BORCS5: variants seen among roughly 807,000 people sequenced by gnomAD.
BORCS5 encodes the protein BLOC-1-related complex subunit 5.
A neutral mutation model predicts 22.1 loss-of-function variants in BORCS5; 17 were observed. The observed-to-expected ratio is 0.77, with a 90% CI of 0.53 to 1.15. The LOEUF is 1.15. Among genes scored for constraint, BORCS5 ranks in the 50% most tolerant of loss-of-function variants. The pLI is 0.00. For missense variants in BORCS5, 247 were observed against 253.2 expected (o/e 0.98, Z 0.17); for synonymous variants, 117 against 99.8 (o/e 1.17, Z -1.03).
Position 12,470,844 on chromosome 12 carries a change from G to A in BORCS5, c.*5068G>A, listed in dbSNP as rs757383391. On this transcript the variant is annotated 3_prime_UTR_variant, in exon 4 of 4. Coordinates refer to ENST00000314565, the MANE Select transcript of BORCS5 (RefSeq NM_058169.6). ...TGACCAGCGTTATGCTGGTGTGTGC[G>A]TGTCCATGCCTCCGGGATTTTTCCA... 2.6e-5 allele frequency among the ~76,000 whole-genome samples: 4 copies of A among 152,004 alleles called. No homozygotes were observed. Among genetic ancestry groups the A allele is most frequent in the Admixed American group, 6.6e-5 (1 of 15,266 alleles).
intron 3 of BORCS5, among the ~76,000 whole-genome samples, chr12:12,456,951 C>A (rs1470309712): frequency 6.6e-6 from 1 of 151,924 alleles, no homozygotes; most frequent in African/African-American, 2.4e-5. Context: ...ACATAAGCTC[C>A]TGCCTTCACA....
At chr12:12,361,390 C>T (rs1000877005) in intron 2 of BORCS5, 41 bp downstream of exon 2, 15 of 1,603,882 alleles carry the variant, frequency 9.4e-6, no homozygotes, top group East Asian at 4.5e-5. Flanking sequence ...TTGCTGGAGA[C>T]GTTTGTGTAG....
At chr12:12,390,727 A>C (rs1451333130) in intron 2 of BORCS5, among the ~76,000 whole-genome samples, 1 of 151,662 alleles carries the variant, frequency 6.6e-6, no homozygotes, top group Non-Finnish European at 1.5e-5. Flanking sequence ...TCCAGGCTGC[A>C]GTGAGCTATG....
At chr12:12,429,126 A>C (rs1210713346) in intron 2 of BORCS5, among the ~76,000 whole-genome samples, 1 of 152,192 alleles carries the variant, frequency 6.6e-6, no homozygotes, top group African/African-American at 2.4e-5. Context: ...CATTCCAAAA[A>C]TTTAAAAAAT....
intron 2 of BORCS5, among the ~76,000 whole-genome samples, chr12:12,386,339 A>C (rs1863879639): frequency 6.7e-6 from 1 of 148,484 alleles, no homozygotes; most frequent in Non-Finnish European, 1.5e-5. Flanking sequence ...AGTAGCCAGC[A>C]TATAGTTGTC....
chr12:12,357,440 G>T lies in BORCS5; in HGVS notation c.-12G>T. ...GGCCCGCCGTTCTTCTGCTGCCACCGCTGTCGGCACCATGGGCAGTGAGCA... is the reference window on the plus strand; with the variant it reads ...GGCCCGCCGTTCTTCTGCTGCCACCTCTGTCGGCACCATGGGCAGTGAGCA... On this transcript the variant is annotated 5_prime_UTR_variant, in exon 1 of 4. Transcript: ENST00000314565. The T allele has an allele frequency of 6.2e-7, 1 of 1,605,428 alleles. No individual in the cohort carries two copies. Among genetic ancestry groups the T allele is most frequent in the Non-Finnish European group, 8.5e-7 (1 of 1,173,400 alleles).
chr12:12,413,666 G>A (rs1941808797), intron 2 of BORCS5, among the ~76,000 whole-genome samples: 2 of 130,026 alleles, frequency 1.5e-5, no homozygotes. Context: ...CCGGGCAGAA[G>A]CGCCCCTCAC....
rs547110640 is a variant in BORCS5 at position 12,432,275 on chromosome 12, G to C, written c.203-3353G>C. Among the ~76,000 whole-genome samples, 11 of 152,140 alleles carry C rather than the reference G, an allele frequency of 7.2e-5. No individual in the cohort carries two copies. The East Asian group carries it at 2.1e-3, about 29-fold the overall frequency. ...AATCGTTCATTCCTTTTTCCATGGT[G>C]CCTCCTTCCTCTTTTCCTCTTTCAA... On this transcript the variant is annotated intron_variant, in intron 2 of 3. Coordinates refer to ENST00000314565, the MANE Select transcript of BORCS5 (RefSeq NM_058169.6).
At position 12,368,127 on chromosome 12, in the gene BORCS5, G is replaced by C. The variant is rs114704916; in HGVS notation, c.202+6778G>C. On this transcript the variant is annotated intron_variant, in intron 2 of 3. Coordinates refer to ENST00000314565, the MANE Select transcript of BORCS5 (RefSeq NM_058169.6). ...AACTTCATCCATATTTGCTGCTTTGGAGGATTACTAGTGTTTTCTTTTCAT... is the reference window on the plus strand; with the variant it reads ...AACTTCATCCATATTTGCTGCTTTGCAGGATTACTAGTGTTTTCTTTTCAT... Among the ~76,000 whole-genome samples, 1,326 of 152,224 alleles carry C rather than the reference G, an allele frequency of 8.7e-3. 19 individuals carry two copies. The highest frequency in any genetic ancestry group is 0.029 in the African/African-American group (1,223 of 41,536).
rs1943241705 is a variant in BORCS5, at chr12:12,468,840, C to G, written c.*3064C>G. On this transcript the variant is annotated 3_prime_UTR_variant, in exon 4 of 4. Transcript: ENST00000314565. The stretch of plus-strand genomic sequence containing the variant: ...AAAGTGGAAGGTTGGTAGAAACTGG[C>G]CTTCATGTCTTTGTTTCCCTCAAAG... 6.6e-6 allele frequency: 1 copy of G among 152,144 alleles called. No individual in the cohort carries two copies. The highest frequency in any genetic ancestry group is 2.4e-5 in the African/African-American group (1 of 41,428). The allele number at this position is 152,144 out of a possible 1,614,324, so 9.4% of individuals were successfully genotyped here.
intron 2 of BORCS5, among the ~76,000 whole-genome samples, chr12:12,432,165 A>G (rs1471160920): frequency 6.6e-6 from 1 of 152,098 alleles, no homozygotes; most frequent in East Asian, 1.9e-4. Context: ...TGTTGTCATG[A>G]GGAGTCTTGG....
At chr12:12,364,115 C>G (rs1863353583) in intron 2 of BORCS5, among the ~76,000 whole-genome samples, 2 of 152,078 alleles carry the variant, frequency 1.3e-5, no homozygotes, top group Non-Finnish European at 2.9e-5. Context: ...GTGGCTCATG[C>G]CTGTAATCCT....
At chr12:12,377,571 A>G (rs567188558) in intron 2 of BORCS5, among the ~76,000 whole-genome samples, 33 of 152,138 alleles carry the variant, frequency 2.2e-4, no homozygotes, top group African/African-American at 8.0e-4. Context: ...GCAATTAAGC[A>G]TTAGGGTAGT....
chr12:12,444,945 C>CA (rs1393012528), intron 3 of BORCS5, among the ~76,000 whole-genome samples: 33 of 151,628 alleles, frequency 2.2e-4, no homozygotes, highest in African/African-American at 5.6e-4. Context: ...AAAACAACAA[C>CA]AACAAAAAAA....
At chr12:12,378,717 A>G (rs1013080805) in intron 2 of BORCS5, among the ~76,000 whole-genome samples, 14 of 151,198 alleles carry the variant, frequency 9.3e-5, no homozygotes, top group African/African-American at 3.2e-4. Flanking sequence ...AGTTTAGTTG[A>G]TTATATTGTA....
rs370586816 is a variant in BORCS5 at position 12,465,761 on chromosome 12, C to T, written c.576C>T (p.Arg192=). The change falls in exon 4 of 4, where the codon CGC becomes CGT. Residue 192 remains arginine (R), a synonymous_variant. Transcript: ENST00000314565. The part of the protein sequence containing the change: ...RLEPFSMKPD[R]ELRL ...AGCCCTTCAGCATGAAGCCCGACCGCGAGCTCAGGCTGTAGCTGCTGCCCG... is the reference window on the plus strand; with the variant it reads ...AGCCCTTCAGCATGAAGCCCGACCGTGAGCTCAGGCTGTAGCTGCTGCCCG... The T allele has an allele frequency of 1.2e-5, 19 of 1,612,552 alleles. No homozygotes were observed. Among genetic ancestry groups the T allele is most frequent in the Middle Eastern group, 1.6e-4 (1 of 6,066 alleles).
In BORCS5 at chr12:12,357,175, G is replaced by T. The variant is rs932906326; in HGVS notation, c.-277G>T. The stretch of plus-strand genomic sequence containing the variant: ...AGGTGCGGCAAAGCCAGTGTCATCT[G>T]CCGGTTCTCTTAGGGCTCCCGGAAA... On this transcript the variant is annotated 5_prime_UTR_variant, in exon 1 of 4. Coordinates refer to ENST00000314565, the MANE Select transcript of BORCS5 (RefSeq NM_058169.6). 2 of 1,526,702 alleles carry T rather than the reference G, an allele frequency of 1.3e-6. No individual in the cohort carries two copies. The highest frequency in any genetic ancestry group is 1.2e-5 in the South Asian group (1 of 83,518). The allele number at this position is 1,526,702 out of a possible 1,614,324, so 94.6% of individuals were successfully genotyped here.
chr12:12,438,377 AAAACG>A (rs1232772121), intron 3 of BORCS5, among the ~76,000 whole-genome samples: 1 of 135,920 alleles, frequency 7.4e-6, no homozygotes, highest in African/African-American at 3.5e-5. Flanking sequence ...AAAAAAAAAA[AAAACG>A]AAAAACAACA....
intron 3 of BORCS5, among the ~76,000 whole-genome samples, chr12:12,455,515 T>TAAA (rs1942982444): frequency 6.6e-6 from 1 of 152,174 alleles, no homozygotes; most frequent in African/African-American, 2.4e-5. Flanking sequence ...CACAGTGGCT[T>TAAA]ACGTCTGTAA....
Sources: allele counts gnomAD v4.1 joint callset (sites outside exome capture counted in the v4.1 genomes callset), GRCh38; gene constraint gnomAD v4.1.1; transcripts MANE v1.5; gene names NCBI Gene and HGNC (gene_info 2026-07-23, HGNC 2026-07-21).